TMCC1: variants seen among roughly 807,000 people sequenced by gnomAD.
The protein encoded by TMCC1 is transmembrane and coiled-coil domains protein 1.
In TMCC1, 15 loss-of-function variants were observed where a neutral mutation model predicts 52.4. The ratio of observed to expected loss-of-function variants is 0.29; its 90% CI spans 0.19 to 0.44. TMCC1 has a LOEUF of 0.44. Among genes scored for constraint, TMCC1 ranks in the 20% least tolerant of loss-of-function variants. The pLI, the probability that TMCC1 is intolerant of heterozygous loss-of-function variation, is 1.00. For missense variants in TMCC1, 503 were observed against 806.0 expected (o/e 0.62, Z 4.55); for synonymous variants, 279 against 301.9 (o/e 0.92, Z 0.79).
intron 4 of TMCC1, among the ~76,000 whole-genome samples, chr3:129,797,961 T>C (rs552655684): frequency 6.6e-6 from 1 of 151,584 alleles, no homozygotes; most frequent in Non-Finnish European, 1.5e-5. Flanking sequence ...GGAAAGTAGG[T>C]TGACAGAGCA....
intron 4 of TMCC1, among the ~76,000 whole-genome samples, chr3:129,787,300 A>C (rs1396459330): frequency 6.6e-6 from 1 of 152,174 alleles, no homozygotes. Context: ...TTTATTATAC[A>C]TGCTACCTTT....
Position 129,762,968 on chromosome 3 carries a change from G to C in TMCC1, c.576+64835C>G, listed in dbSNP as rs1452176256. ...AATCCCAGCACTTTGGGAGGCTGAG[G>C]TGGGTGGATCATGAGGTCAGGAGAT... On this transcript the variant is annotated intron_variant, in intron 4 of 6. Transcript: ENST00000393238. Among the ~76,000 whole-genome samples, 5 of 151,982 alleles carry C rather than the reference G, an allele frequency of 3.3e-5. No homozygotes were observed. In the East Asian group the frequency reaches 9.7e-4, roughly 29 times the overall value.
chr3:129,766,929 A>G (rs1196596724), intron 4 of TMCC1, among the ~76,000 whole-genome samples: 1 of 151,900 alleles, frequency 6.6e-6, no homozygotes, highest in East Asian at 1.9e-4. Context: ...CTATTTAAAT[A>G]AATCTTATGA....
chr3:129,768,899 A>C (rs1402125060), intron 4 of TMCC1, among the ~76,000 whole-genome samples: 1 of 152,162 alleles, frequency 6.6e-6, no homozygotes, highest in Non-Finnish European at 1.5e-5. Flanking sequence ...GCTTGTCAAC[A>C]ATGACTAGGG....
intron 4 of TMCC1, among the ~76,000 whole-genome samples, chr3:129,812,336 C>CAA (rs11387876): frequency 0.049 from 2,630 of 53,928 alleles, 285 homozygotes; most frequent in African/African-American, 0.081. Context: ...GACTCTGTCT[C>CAA]AAAAAAAAAA....
chr3:129,785,779 G>C (rs994534727), intron 4 of TMCC1, among the ~76,000 whole-genome samples: 1 of 152,082 alleles, frequency 6.6e-6, no homozygotes, highest in Non-Finnish European at 1.5e-5. Context: ...ACTTAGAAGA[G>C]AGTTTCCTAG....
chr3:129,692,782 A>AT (rs915652498), intron 4 of TMCC1, among the ~76,000 whole-genome samples: 25 of 152,278 alleles, frequency 1.6e-4, no homozygotes, highest in African/African-American at 5.3e-4. Flanking sequence ...GAAAAGGAGC[A>AT]TTTTTTTGTC....
chr3:129,880,044 A>C (rs757528212), intron 2 of TMCC1, among the ~76,000 whole-genome samples: 1 of 152,184 alleles, frequency 6.6e-6, no homozygotes, highest in Non-Finnish European at 1.5e-5. Context: ...AAAGAAAAAA[A>C]TTCAAGCTGC....
rs767217339 is a variant in TMCC1, at chr3:129,671,133, G to A, written c.708C>T (p.His236=). 1 of 1,614,170 alleles carries A rather than the reference G, an allele frequency of 6.2e-7. No homozygotes were observed. Among genetic ancestry groups the A allele is most frequent in the Non-Finnish European group, 8.5e-7 (1 of 1,180,030 alleles). The change falls in exon 5 of 7, where the codon CAC becomes CAT. Residue 236 remains histidine, a synonymous_variant. Coordinates refer to ENST00000393238, the MANE Select transcript of TMCC1 (RefSeq NM_001017395.5). ...DPQRTKAAIA[H]LQQKILKLTE... is the part of the protein sequence containing the mutation. The stretch of plus-strand genomic sequence containing the variant: ...TGAGCTTCAGGATCTTCTGCTGCAG[G>A]TGAGCAATGGCAGCCTTTGTGCGCT...
chr3:129,665,740 A>G (rs1299908585), intron 5 of TMCC1, among the ~76,000 whole-genome samples: 3 of 152,230 alleles, frequency 2.0e-5, no homozygotes, highest in Non-Finnish European at 4.4e-5. Flanking sequence ...GAAGTCAGAC[A>G]AAACTGGGTT....
At chr3:129,681,151 A>G (rs1576426931) in intron 4 of TMCC1, among the ~76,000 whole-genome samples, 2 of 152,162 alleles carry the variant, frequency 1.3e-5, no homozygotes, top group African/African-American at 2.4e-5. Context: ...GCATTTTCCA[A>G]ACATCTATGG....
intron 4 of TMCC1, among the ~76,000 whole-genome samples, chr3:129,743,067 T>C (rs1056964424): frequency 6.6e-6 from 1 of 152,154 alleles, no homozygotes. Flanking sequence ...CTAAGAGGTA[T>C]GGGGCTTCCT....
intron 4 of TMCC1, among the ~76,000 whole-genome samples, chr3:129,814,729 A>G (rs2058011244): frequency 1.3e-5 from 2 of 152,140 alleles, no homozygotes; most frequent in Admixed American, 1.3e-4. Flanking sequence ...GCAACTGGAA[A>G]ACAAAAAAGA....
intron 4 of TMCC1, among the ~76,000 whole-genome samples, chr3:129,737,714 A>G (rs770169275): frequency 7.2e-5 from 11 of 152,030 alleles, no homozygotes; most frequent in Non-Finnish European, 1.3e-4. Context: ...TAAGACACAC[A>G]CCCCAAAATA....
chr3:129,720,524 C>A (rs200498044), intron 4 of TMCC1, among the ~76,000 whole-genome samples: 3 of 152,170 alleles, frequency 2.0e-5, no homozygotes, highest in Non-Finnish European at 4.4e-5. Flanking sequence ...ACAGCCAGTA[C>A]CTACTACCAG....
intron 4 of TMCC1, among the ~76,000 whole-genome samples, chr3:129,755,830 C>T (rs1005666023): frequency 4.6e-5 from 7 of 152,150 alleles, no homozygotes; most frequent in Admixed American, 2.6e-4. Context: ...AAGGCTGGGG[C>T]GGTGGCTCAC....
chr3:129,804,222 A>C (rs1035010721), intron 4 of TMCC1, among the ~76,000 whole-genome samples: 4 of 152,224 alleles, frequency 2.6e-5, no homozygotes, highest in Non-Finnish European at 5.9e-5. Flanking sequence ...ATAAAATGTC[A>C]TTCTTTATCT....
chr3:129,775,293 CACA>C (rs1452796102), intron 4 of TMCC1, among the ~76,000 whole-genome samples: 1 of 151,930 alleles, frequency 6.6e-6, no homozygotes, highest in Non-Finnish European at 1.5e-5. Context: ...ACATCTTAAC[CACA>C]ACAACAAAAA....
intron 4 of TMCC1, among the ~76,000 whole-genome samples, chr3:129,820,668 T>A (rs1235956317): frequency 6.6e-6 from 1 of 152,134 alleles, no homozygotes; most frequent in Non-Finnish European, 1.5e-5. Flanking sequence ...ATGAGATTTG[T>A]GTTAAAGAAA....
Sources: allele counts gnomAD v4.1 joint callset (sites outside exome capture counted in the v4.1 genomes callset), GRCh38; gene constraint gnomAD v4.1.1; transcripts MANE v1.5; gene names NCBI Gene and HGNC (gene_info 2026-07-23, HGNC 2026-07-21).